Variants in SUCLG2 observed in about 807,000 individuals in gnomAD.
SUCLG2 encodes the protein succinate--CoA ligase [GDP-forming] subunit beta, mitochondrial.
SUCLG2 carries 42 observed loss-of-function variants against 47.9 expected under a neutral mutation model. That is an observed-to-expected ratio of 0.88 (90% CI 0.69 to 1.14). The LOEUF (loss-of-function observed/expected upper bound fraction) is 1.14. Among genes scored for constraint, SUCLG2 ranks in the 50% most tolerant of loss-of-function variants. The probability of loss-of-function intolerance (pLI) is 0.00; values close to 1 mark genes in which losing one functional copy is unlikely to be tolerated. For missense variants in SUCLG2, 571 were observed against 525.9 expected (o/e 1.09, Z -0.84); for synonymous variants, 195 against 197.3 (o/e 0.99, Z 0.10).
At chr3:67,652,521 C>T (rs1701305795) in intron 1 of SUCLG2, among the ~76,000 whole-genome samples, 1 of 152,102 alleles carries the variant, frequency 6.6e-6, no homozygotes, top group African/African-American at 2.4e-5. Flanking sequence ...TCATAGGAAG[C>T]ACCCAAGAAT....
intron 6 of SUCLG2, among the ~76,000 whole-genome samples, chr3:67,517,799 G>T (rs1239744810): frequency 2.0e-5 from 3 of 152,088 alleles, no homozygotes; most frequent in African/African-American, 7.2e-5. Flanking sequence ...ATACCATTAA[G>T]AACAGACCTT....
At chr3:67,405,683 C>G (rs969956989) in intron 9 of SUCLG2, among the ~76,000 whole-genome samples, 1 of 152,112 alleles carries the variant, frequency 6.6e-6, no homozygotes, top group Non-Finnish European at 1.5e-5. Flanking sequence ...CAGGAGAGGG[C>G]TATGAGTTTC....
intron 9 of SUCLG2, among the ~76,000 whole-genome samples, chr3:67,475,201 T>TA (rs1704717594): frequency 6.6e-6 from 1 of 152,194 alleles, no homozygotes; most frequent in African/African-American, 2.4e-5. Context: ...AGAATGTAGT[T>TA]AAGTCAACTG....
chr3:67,400,837 A>G lies in SUCLG2; in HGVS notation c.1077T>C (p.Leu359=). The G allele has an allele frequency of 6.2e-7, 1 of 1,613,138 alleles. No individual in the cohort carries two copies. The highest frequency in any genetic ancestry group is 8.5e-7 in the Non-Finnish European group (1 of 1,179,868). The change falls in exon 10 of 11, where the codon CTT becomes CTC. Residue 359 remains leucine (L), a synonymous_variant. Coordinates refer to ENST00000307227, the MANE Select transcript of SUCLG2 (RefSeq NM_003848.4). ...LTADPKVEAI[L]VNIFGGIVNC... ...TGACGATACCACCAAATATATTGACAAGGATGGCTTCAACCTGAAATCAAA... is the reference window on the plus strand; with the variant it reads ...TGACGATACCACCAAATATATTGACGAGGATGGCTTCAACCTGAAATCAAA...
chr3:67,514,135 A>C (rs1035996490), intron 6 of SUCLG2: 1 of 302,914 alleles, frequency 3.3e-6, no homozygotes, highest in African/African-American at 2.2e-5. Flanking sequence ...TCCTGCCTTG[A>C]TTTGTTGGAC....
At chr3:67,491,804 T>C (rs771351024) in intron 9 of SUCLG2, among the ~76,000 whole-genome samples, 5 of 152,240 alleles carry the variant, frequency 3.3e-5, no homozygotes, top group Non-Finnish European at 7.3e-5. Flanking sequence ...GATACTGTCA[T>C]ATGAAATTAT....
At chr3:67,497,850 T>C (rs1705387854) in intron 8 of SUCLG2, among the ~76,000 whole-genome samples, 1 of 152,154 alleles carries the variant, frequency 6.6e-6, no homozygotes, top group South Asian at 2.1e-4. Context: ...GGGTTGTTAG[T>C]AGTATCTAGA....
chr3:67,453,931 T>C (rs940535301), intron 9 of SUCLG2, among the ~76,000 whole-genome samples: 4 of 152,218 alleles, frequency 2.6e-5, no homozygotes, highest in South Asian at 2.1e-4. Flanking sequence ...ACCCCCAAGG[T>C]TGTCGTTGTC....
chr3:67,633,319 A>G (rs1700957777), intron 1 of SUCLG2, among the ~76,000 whole-genome samples: 1 of 152,186 alleles, frequency 6.6e-6, no homozygotes, highest in Admixed American at 6.5e-5. Flanking sequence ...TTATTATATC[A>G]ATATTCATAA....
chr3:67,565,238 T>C (rs1297930548), intron 2 of SUCLG2, among the ~76,000 whole-genome samples: 1 of 152,206 alleles, frequency 6.6e-6, no homozygotes, highest in Non-Finnish European at 1.5e-5. Context: ...ACACAAATAA[T>C]TTCATAAACT....
chr3:67,595,465 G>A (rs1314140230), intron 2 of SUCLG2, among the ~76,000 whole-genome samples: 1 of 152,170 alleles, frequency 6.6e-6, no homozygotes, highest in African/African-American at 2.4e-5. Flanking sequence ...CAGGGTGGGA[G>A]TCTGCCCAGT....
chr3:67,577,415 G>C (rs1328019069), intron 2 of SUCLG2, among the ~76,000 whole-genome samples: 1 of 152,062 alleles, frequency 6.6e-6, no homozygotes, highest in Admixed American at 6.5e-5. Flanking sequence ...AGCAGAGCTT[G>C]GTTCATAAGT....
intron 2 of SUCLG2, among the ~76,000 whole-genome samples, chr3:67,566,087 AC>A (rs2107226298): frequency 6.6e-6 from 1 of 152,334 alleles, no homozygotes; most frequent in South Asian, 2.1e-4. Context: ...TCCACTTAAG[AC>A]AAGATTTTGC....
intron 4 of SUCLG2, among the ~76,000 whole-genome samples, chr3:67,522,866 C>A (rs1706154759): frequency 6.6e-6 from 1 of 151,858 alleles, no homozygotes; most frequent in South Asian, 2.1e-4. Context: ...GGGGTTTCAC[C>A]ATGTTAGCCA....
intron 7 of SUCLG2, among the ~76,000 whole-genome samples, chr3:67,501,899 T>C (rs1023067880): frequency 6.6e-6 from 1 of 152,014 alleles, no homozygotes; most frequent in Non-Finnish European, 1.5e-5. Context: ...ATATCCTTTA[T>C]AAAAAAATAA....
intron 8 of SUCLG2, among the ~76,000 whole-genome samples, chr3:67,497,266 T>C (rs1234875873): frequency 6.6e-6 from 1 of 152,196 alleles, no homozygotes; most frequent in Non-Finnish European, 1.5e-5. Flanking sequence ...ATGATATTGC[T>C]GGTTTAATGA....
intron 2 of SUCLG2, among the ~76,000 whole-genome samples, chr3:67,576,293 C>T (rs1204309041): frequency 1.3e-5 from 2 of 152,078 alleles, no homozygotes; most frequent in Non-Finnish European, 2.9e-5. Flanking sequence ...TCCTTTATAA[C>T]CTAGCGACTC....
chr3:67,536,123 C>T (rs183763789), intron 2 of SUCLG2, among the ~76,000 whole-genome samples: 1,786 of 152,212 alleles, frequency 0.012, 17 homozygotes, highest in Admixed American at 0.025. Flanking sequence ...AAGGGAAGAA[C>T]AAAAGGTGGC....
chr3:67,478,151 C>T (rs960982595), intron 9 of SUCLG2, among the ~76,000 whole-genome samples: 3 of 152,168 alleles, frequency 2.0e-5, no homozygotes, highest in African/African-American at 4.8e-5. Context: ...CTCAACAATG[C>T]CTGGCCGGTG....
Sources: gnomAD v4.1 joint callset for allele counts (sites outside exome capture counted in the v4.1 genomes callset) on GRCh38, gnomAD v4.1.1 for gene constraint, MANE v1.5 for transcripts, NCBI Gene and HGNC (gene_info 2026-07-23, HGNC 2026-07-21) for gene names.